The following SDSL variants were observed in gnomAD, a reference collection of about 807,000 sequenced individuals.
SDSL encodes serine dehydratase like.
A neutral mutation model predicts 27.6 loss-of-function variants in SDSL; 26 were observed. The observed-to-expected ratio is 0.94, with a 90% CI of 0.69 to 1.31. SDSL has a LOEUF of 1.31. SDSL is among the 50% of genes most tolerant of loss of function. The pLI is 0.00. For missense variants in SDSL, 431 were observed against 423.5 expected (o/e 1.02, Z -0.16); for synonymous variants, 196 against 180.6 (o/e 1.09, Z -0.69).
intron 4 of SDSL, 43 bp downstream of exon 4, chr12:113,429,342 C>G: frequency 5.1e-6 from 8 of 1,573,698 alleles, no homozygotes; most frequent in East Asian, 2.3e-5. Context: ...GTGGGCTGCT[C>G]TCCTTCACCT....
At position 113,435,510 on chromosome 12, in the gene SDSL, G is replaced by A. The variant is rs1458067735; in HGVS notation, c.625G>A (p.Ala209Thr). The change falls in exon 6 of 8, where the codon GCG (alanine) becomes ACG (threonine). Residue 209 changes from alanine (A) to threonine (T), a missense_variant. Coordinates refer to ENST00000403593, the MANE Select transcript of SDSL (RefSeq NM_001304993.2). ...METHGAHCFNAAITAGKLVTL... is the reference protein window; with the variant it reads ...METHGAHCFNTAITAGKLVTL... ...GACCCATGGGGCACACTGCTTCAAT[G>A]CGGCCATCACAGCCGGCAAGCTGGT... The A allele has an allele frequency of 6.2e-7, 1 of 1,613,992 alleles. No individual in the cohort carries two copies. The highest frequency in any genetic ancestry group is 1.3e-5 in the African/African-American group (1 of 74,928).
chr12:113,426,041 G>A, intron 1 of SDSL: 1 of 399,234 alleles, frequency 2.5e-6, no homozygotes, highest in South Asian at 1.8e-5. Flanking sequence ...ACCTCCCAAT[G>A]GCTTTCCATT....
At chr12:113,437,398 G>A (rs1007120711) in intron 7 of SDSL, among the ~76,000 whole-genome samples, 2 of 152,216 alleles carry the variant, frequency 1.3e-5, no homozygotes, top group Admixed American at 1.3e-4. Context: ...ATGAATATAT[G>A]AGTGAGTGGA....
chr12:113,432,470 T>C (rs1957946883), intron 4 of SDSL, among the ~76,000 whole-genome samples: 1 of 151,852 alleles, frequency 6.6e-6, no homozygotes, highest in Non-Finnish European at 1.5e-5. Flanking sequence ...GCCTCCTGAG[T>C]AGCTGGGATT....
At chr12:113,426,209 G>C (rs147464291) in intron 1 of SDSL, 1 of 454,936 alleles carries the variant, frequency 2.2e-6, no homozygotes, top group African/African-American at 2.0e-5. Flanking sequence ...TTTCTCCCTC[G>C]AGGTGGTCCT....
rs979686699 is a variant in SDSL at position 113,425,767 on chromosome 12, C to T, written c.-21-2195C>T. The stretch of plus-strand genomic sequence containing the variant: ...CAGCACTTCGGGAGGCCGAGGTGGG[C>T]AGATCACTTGAGCTCAGGAGTTTGA... On this transcript the variant is annotated intron_variant, in intron 1 of 7. Transcript: ENST00000403593. The T allele has an allele frequency of 4.2e-5, 19 of 454,500 alleles. No homozygotes were observed. In the Admixed American group the frequency reaches 4.5e-4, roughly 11 times the overall value. 28.2% of individuals were successfully genotyped at this position (454,500 alleles called of 1,614,324 possible). A position where few individuals can be genotyped will look rare whatever the true frequency, so the allele number is the denominator to read the frequency against.
chr12:113,423,138 A>G (rs1405959686), intron 1 of SDSL, among the ~76,000 whole-genome samples: 2 of 152,264 alleles, frequency 1.3e-5, no homozygotes, highest in South Asian at 2.1e-4. Flanking sequence ...CATTTAACTG[A>G]TGCCTGCTGT....
chr12:113,425,447 G>A (rs1306973753), intron 1 of SDSL, among the ~76,000 whole-genome samples: 1 of 152,100 alleles, frequency 6.6e-6, no homozygotes, highest in Admixed American at 6.6e-5. Flanking sequence ...TCTGATCTTG[G>A]AACCCCAGCC....
chr12:113,430,430 G>A (rs1490175822), intron 4 of SDSL, among the ~76,000 whole-genome samples: 1 of 152,180 alleles, frequency 6.6e-6, no homozygotes, highest in Non-Finnish European at 1.5e-5. Context: ...CAGCTTATAA[G>A]AAACATTTGT....
chr12:113,435,257 C>T, intron 5 of SDSL, 72 bp from the exon 6 acceptor site: 1 of 1,057,602 alleles, frequency 9.5e-7, no homozygotes, highest in South Asian at 1.7e-5. Flanking sequence ...CTGGTAAATT[C>T]CCCCACCACA....
intron 7 of SDSL, 52 bp from the exon 8 acceptor site, chr12:113,437,834 C>T (rs371459348): frequency 1.4e-5 from 21 of 1,508,662 alleles, no homozygotes; most frequent in East Asian, 9.2e-5. Flanking sequence ...TGCTGAGCAC[C>T]GAGTGGTTCT....
rs1328168119 is a variant in SDSL, at chr12:113,429,246, C to A, written c.301C>A (p.Gln101Lys). The A allele has an allele frequency of 6.2e-7, 1 of 1,613,622 alleles. No individual in the cohort carries two copies. Among genetic ancestry groups the A allele is most frequent in the Non-Finnish European group, 8.5e-7 (1 of 1,179,664 alleles). Residue 101 changes from glutamine to lysine, a missense_variant, in exon 4 of 8, where the codon CAG (glutamine) becomes AAG (lysine). Gln to Lys is a moderately conservative substitution (Grantham distance 53). Coordinates refer to ENST00000403593, the MANE Select transcript of SDSL (RefSeq NM_001304993.2). The stretch of plus-strand genomic sequence containing the variant: ...CGTGCTCCCCGAGAGCACCTCCCTG[C>A]AGGTGGTGCAGAGGCTGCAGGGGGA... Reference protein sequence around the residue: ...TIVLPESTSLQVVQRLQGEGA... With the variant: ...TIVLPESTSLKVVQRLQGEGA...
At chr12:113,426,286 T>G (rs1957850467) in intron 1 of SDSL, 1 of 455,760 alleles carries the variant, frequency 2.2e-6, no homozygotes, top group Admixed American at 2.4e-5. Context: ...AAAGTTCCCC[T>G]TTCAAGAACG....
At chr12:113,432,216 CT>C (rs1484207155) in intron 4 of SDSL, among the ~76,000 whole-genome samples, 3 of 1,694 alleles carry the variant, frequency 1.8e-3, no homozygotes, top group South Asian at 0.022. Context: ...TTGCTTCTTT[CT>C]TTCTTTCTTT....
rs879473972 is a variant in SDSL at position 113,430,142 on chromosome 12, C to G, written c.354+843C>G. Among the ~76,000 whole-genome samples the G allele has an allele frequency of 4.0e-4, 50 of 125,678 alleles. 1 individual carries two copies. The highest frequency in any genetic ancestry group is 7.1e-4 in the Non-Finnish European group (44 of 62,390). The allele number at this position is 125,678 out of a possible 152,430, so 82.4% of individuals were successfully genotyped here. On this transcript the variant is annotated intron_variant, in intron 4 of 7. Coordinates refer to ENST00000403593, the MANE Select transcript of SDSL (RefSeq NM_001304993.2). ...TCCATCCATCCATCCATCCATCCAC[C>G]CATCCATCCATCCATCAGATATTGA...
chr12:113,425,570 C>G, intron 1 of SDSL: 1 of 434,332 alleles, frequency 2.3e-6, no homozygotes, highest in Non-Finnish European at 4.6e-6. Context: ...GCTTTTCTGC[C>G]TGGGACAAGA....
In SDSL at chr12:113,438,093, G is replaced by A. The variant is rs755749501; in HGVS notation, c.*14G>A. On this transcript the variant is annotated 3_prime_UTR_variant, in exon 8 of 8. Coordinates refer to ENST00000403593, the MANE Select transcript of SDSL (RefSeq NM_001304993.2). Reference sequence around the variant, plus strand: ...GGCCAGGTCTGAGGGGTCCCATCCTGGCCCCAAAGACCCCTGAGAGGCCCA... The same window carrying A: ...GGCCAGGTCTGAGGGGTCCCATCCTAGCCCCAAAGACCCCTGAGAGGCCCA... 3 of 1,606,968 alleles carry A rather than the reference G, an allele frequency of 1.9e-6. No individual in the cohort carries two copies. Among genetic ancestry groups the A allele is most frequent in the African/African-American group, 2.7e-5 (2 of 74,652 alleles).
intron 3 of SDSL, 116 bp downstream of exon 3, chr12:113,428,575 T>G: frequency 1.3e-6 from 1 of 798,826 alleles, no homozygotes; most frequent in Non-Finnish European, 2.0e-6. Flanking sequence ...ATCAAGGTCA[T>G]TGATGAGATG....
At position 113,429,186 on chromosome 12, in the gene SDSL, T is replaced by C; in HGVS notation, c.241T>C (p.Tyr81His). Reference sequence around the variant, plus strand: ...GGGTAATGCGGGCATCGCTGCTGCCTATGCTGCTAGGAAGCTGGGCATTCC... The same window carrying C: ...GGGTAATGCGGGCATCGCTGCTGCCCATGCTGCTAGGAAGCTGGGCATTCC... ...SGGNAGIAAA[Y>H]AARKLGIPAT... The change falls in exon 4 of 8, where the codon TAT (tyrosine) becomes CAT (histidine). Residue 81 changes from tyrosine to histidine, a missense_variant. Coordinates refer to ENST00000403593, the MANE Select transcript of SDSL (RefSeq NM_001304993.2). 6.2e-7 allele frequency: 1 copy of C among 1,613,862 alleles called. No homozygotes were observed. Among genetic ancestry groups the C allele is most frequent in the Non-Finnish European group, 8.5e-7 (1 of 1,179,866 alleles).
Sources: gnomAD v4.1 joint callset for allele counts (sites outside exome capture counted in the v4.1 genomes callset) on GRCh38, gnomAD v4.1.1 for gene constraint, MANE v1.5 for transcripts, NCBI Gene and HGNC (gene_info 2026-07-23, HGNC 2026-07-21) for gene names.